CFAP161: variants seen among roughly 807,000 people sequenced by gnomAD.
CFAP161 encodes cilia and flagella associated protein 161.
In CFAP161, 25 loss-of-function variants were observed where a neutral mutation model predicts 29.0. The ratio of observed to expected loss-of-function variants is 0.86; its 90% CI spans 0.63 to 1.20. CFAP161 has a LOEUF of 1.20. CFAP161 is among the 50% of genes most tolerant of loss of function. The pLI is 0.00. For synonymous variants in CFAP161, 116 were observed against 137.4 expected, an observed-to-expected ratio of 0.84 and a Z score of 1.09; for missense variants, 367 against 371.9, an observed-to-expected ratio of 0.99 and a Z score of 0.11.
At chr15:81,123,217 A>G (rs1039448292) in intron 1 of CFAP161, among the ~76,000 whole-genome samples, 1 of 152,168 alleles carries the variant, frequency 6.6e-6, no homozygotes, top group African/African-American at 2.4e-5. Flanking sequence ...ATTTTTGTAT[A>G]TAGTGTGAGG....
intron 4 of CFAP161, among the ~76,000 whole-genome samples, chr15:81,138,525 T>G (rs759582638): frequency 1.5e-4 from 23 of 152,236 alleles, no homozygotes; most frequent in Non-Finnish European, 3.1e-4. Flanking sequence ...TTTAAACTTT[T>G]GATGATCAGA....
intron 5 of CFAP161, among the ~76,000 whole-genome samples, 166 bp downstream of exon 5, chr15:81,143,986 T>C (rs545823584): frequency 6.6e-6 from 1 of 152,340 alleles, no homozygotes; most frequent in Non-Finnish European, 1.5e-5. Flanking sequence ...TCAAATGCCT[T>C]ATGACTTTCT....
intron 1 of CFAP161, among the ~76,000 whole-genome samples, chr15:81,116,946 G>T (rs981984556): frequency 9.2e-5 from 14 of 151,990 alleles, no homozygotes; most frequent in Admixed American, 8.5e-4. Context: ...TGTTGTTTTT[G>T]GAAAACTAAC....
chr15:81,118,530 G>T (rs2663939), intron 1 of CFAP161, among the ~76,000 whole-genome samples: 93,440 of 152,158 alleles, frequency 0.61, 29,526 homozygotes, highest in Non-Finnish European at 0.68. Flanking sequence ...CCACTCACCC[G>T]CTGGGGCGTC....
chr15:81,124,526 T>C (rs1397263541), intron 1 of CFAP161, among the ~76,000 whole-genome samples: 1 of 152,204 alleles, frequency 6.6e-6, no homozygotes, highest in African/African-American at 2.4e-5. Flanking sequence ...GCTGGCCTCA[T>C]AGAATGAGTT....
At position 81,134,327 on chromosome 15, in the gene CFAP161, G is replaced by C. The variant is rs1219488841; in HGVS notation, c.-3G>C. On this transcript the variant is annotated 5_prime_UTR_variant, in exon 1 of 7. Coordinates refer to ENST00000286732, the MANE Select transcript of CFAP161 (RefSeq NM_173528.4). ...AGGCCCACTTGCTGAACAGCAGGGA[G>C]CGATGGCGCAGAACGTGTATGGTCC... 1 of 1,585,434 alleles carries C rather than the reference G, an allele frequency of 6.3e-7. No individual in the cohort carries two copies. The highest frequency in any genetic ancestry group is 8.6e-7 in the Non-Finnish European group (1 of 1,166,616).
intron 4 of CFAP161, among the ~76,000 whole-genome samples, chr15:81,138,876 A>G (rs1894856771): frequency 6.6e-6 from 1 of 152,184 alleles, no homozygotes; most frequent in Admixed American, 6.5e-5. Context: ...AGGTTAAGTG[A>G]TTTCTGACTC....
chr15:81,120,165 T>A (rs1201792550), intron 1 of CFAP161, among the ~76,000 whole-genome samples: 1 of 152,210 alleles, frequency 6.6e-6, no homozygotes, highest in Admixed American at 6.5e-5. Context: ...TTGCTCTTCC[T>A]TAGGTGAAGC....
rs565486635 is a variant in CFAP161, at chr15:81,136,321, C to CGAATA, written c.160-193_160-192insATAGA. On this transcript the variant is annotated intron_variant, in intron 2 of 6. Coordinates refer to ENST00000286732, the MANE Select transcript of CFAP161 (RefSeq NM_173528.4). ...CCATGTGATTTTAACCAGCTTTATT[C>CGAATA]GACTTCATTTGGAATTATTGGGAGC... Among the ~76,000 whole-genome samples the CGAATA allele has an allele frequency of 1.3e-3, 205 of 152,150 alleles. 2 individuals carry two copies. The highest frequency in any genetic ancestry group is 0.01 in the Middle Eastern group (3 of 294).
chr15:81,120,175 C>T (rs902917926), intron 1 of CFAP161, among the ~76,000 whole-genome samples: 16 of 152,258 alleles, frequency 1.1e-4, no homozygotes, highest in Middle Eastern at 3.4e-3. Context: ...TTAGGTGAAG[C>T]CCATTTAGAT....
Position 81,135,326 on chromosome 15 carries a change from A to G in CFAP161, c.126A>G (p.Arg42=). Residue 42 remains arginine, a synonymous_variant, in exon 2 of 7, where the codon AGA becomes AGG. Coordinates refer to ENST00000286732, the MANE Select transcript of CFAP161 (RefSeq NM_173528.4). ...KRDKGKLLIQ[R]SRRLKQNLLR... ...ACAAGGGGAAACTTCTCATACAGAGAAGTAGAAGACTAAAACAGAATCTCT... is the reference window on the plus strand; with the variant it reads ...ACAAGGGGAAACTTCTCATACAGAGGAGTAGAAGACTAAAACAGAATCTCT... 1 of 1,599,342 alleles carries G rather than the reference A, an allele frequency of 6.3e-7. No individual in the cohort carries two copies. Among genetic ancestry groups the G allele is most frequent in the Non-Finnish European group, 8.5e-7 (1 of 1,176,210 alleles).
At chr15:81,120,016 A>G (rs1445627697) in intron 1 of CFAP161, among the ~76,000 whole-genome samples, 1 of 152,226 alleles carries the variant, frequency 6.6e-6, no homozygotes, top group Non-Finnish European at 1.5e-5. Context: ...TTAAAACCTT[A>G]ACCTCTTTAA....
chr15:81,117,860 CCTT>C, intron 1 of CFAP161: 1 of 369,766 alleles, frequency 2.7e-6, no homozygotes, highest in Non-Finnish European at 5.2e-6. Flanking sequence ...TTCTCCTAGT[CCTT>C]CTCATCTTCT....
chr15:81,105,230 CTCT>C (rs1413987543), intron 1 of CFAP161, among the ~76,000 whole-genome samples: 1 of 72,508 alleles, frequency 1.4e-5, no homozygotes, highest in Non-Finnish European at 2.8e-5. Flanking sequence ...ACCCTCCCCC[CTCT>C]TTCTTTCTCT....
intron 1 of CFAP161, among the ~76,000 whole-genome samples, chr15:81,109,932 A>G: frequency 6.6e-6 from 1 of 152,186 alleles, no homozygotes; most frequent in East Asian, 1.9e-4. Context: ...TTATTACCAT[A>G]AACTTTCATA....
chr15:81,116,781 CT>C (rs966769682), intron 1 of CFAP161, among the ~76,000 whole-genome samples: 18 of 152,150 alleles, frequency 1.2e-4, no homozygotes, highest in Middle Eastern at 6.8e-3. Context: ...GCTTGTAGGG[CT>C]TTAGGAATAG....
intron 1 of CFAP161, 137 bp downstream of exon 1, chr15:81,134,535 T>A (rs935408030): frequency 8.1e-6 from 7 of 861,110 alleles, no homozygotes; most frequent in Non-Finnish European, 1.3e-5. Flanking sequence ...AATCCCCCAC[T>A]TCTCTAAACT....
At chr15:81,100,054 A>G (rs1894284997) in intron 1 of CFAP161, among the ~76,000 whole-genome samples, 1 of 151,926 alleles carries the variant, frequency 6.6e-6, no homozygotes, top group Non-Finnish European at 1.5e-5. Context: ...GCAGTTTGCA[A>G]ACACTCAATA....
intron 2 of CFAP161, 32 bp from the exon 3 acceptor site, chr15:81,136,484 G>T (rs1414350312): frequency 6.3e-7 from 1 of 1,595,890 alleles, no homozygotes; most frequent in Admixed American, 1.7e-5. Context: ...GAATTGCATG[G>T]TTTATGTAAT....
Sources: gnomAD v4.1 joint callset for allele counts (sites outside exome capture counted in the v4.1 genomes callset) on GRCh38, gnomAD v4.1.1 for gene constraint, MANE v1.5 for transcripts, NCBI Gene and HGNC (gene_info 2026-07-23, HGNC 2026-07-21) for gene names.